GAREM1: variants seen among roughly 807,000 people sequenced by gnomAD.
GAREM1 encodes GRB2-associated and regulator of MAPK protein 1.
A neutral mutation model predicts 71.3 loss-of-function variants in GAREM1; 26 were observed. The observed-to-expected ratio is 0.36, with a 90% confidence interval of 0.27 to 0.51. The LOEUF is 0.51. Among genes scored for constraint, GAREM1 ranks in the 20% least tolerant of loss-of-function variants. GAREM1 has a pLI of 0.95. For synonymous variants in GAREM1, 440 were observed against 433.2 expected, an observed-to-expected ratio of 1.02 and a Z score of -0.20; for missense variants, 1,026 against 1,103.1, an observed-to-expected ratio of 0.93 and a Z score of 0.99.
At chr18:32,458,251 A>C (rs2048916338) in intron 1 of GAREM1, among the ~76,000 whole-genome samples, 1 of 152,154 alleles carries the variant, frequency 6.6e-6, no homozygotes, top group Non-Finnish European at 1.5e-5. Context: ...CATGCAATGC[A>C]CAGGAATTTA....
chr18:32,400,000 G>A (rs983524828), intron 1 of GAREM1, among the ~76,000 whole-genome samples: 1 of 152,108 alleles, frequency 6.6e-6, no homozygotes. Flanking sequence ...ACAGAACAGA[G>A]CCCTCAGAAA....
chr18:32,404,542 A>G (rs2048347984), intron 1 of GAREM1, among the ~76,000 whole-genome samples: 1 of 152,002 alleles, frequency 6.6e-6, no homozygotes, highest in Non-Finnish European at 1.5e-5. Flanking sequence ...TAGTATATTA[A>G]GGTGTTTTCT....
At chr18:32,349,549 T>C (rs1033829235) in intron 2 of GAREM1, among the ~76,000 whole-genome samples, 5 of 152,162 alleles carry the variant, frequency 3.3e-5, no homozygotes, top group Admixed American at 1.3e-4. Context: ...CCAAAATAGG[T>C]AGATGTCATT....
At chr18:32,358,980 C>T (rs545298784) in intron 2 of GAREM1, among the ~76,000 whole-genome samples, 1 of 152,284 alleles carries the variant, frequency 6.6e-6, no homozygotes, top group Admixed American at 6.5e-5. Flanking sequence ...ACGGGATGCT[C>T]ACCTGTGAAC....
At chr18:32,434,833 A>C (rs2048659051) in intron 1 of GAREM1, among the ~76,000 whole-genome samples, 1 of 152,184 alleles carries the variant, frequency 6.6e-6, no homozygotes. Context: ...AACAGGATAG[A>C]TACACATTTC....
At chr18:32,449,466 C>T (rs1381907058) in intron 1 of GAREM1, among the ~76,000 whole-genome samples, 2 of 152,114 alleles carry the variant, frequency 1.3e-5, no homozygotes, top group Non-Finnish European at 2.9e-5. Context: ...GCAAGTGGAT[C>T]GCTTGAGTCC....
At chr18:32,293,638 T>G (rs1484106301) in intron 3 of GAREM1, among the ~76,000 whole-genome samples, 1 of 152,178 alleles carries the variant, frequency 6.6e-6, no homozygotes, top group Non-Finnish European at 1.5e-5. Flanking sequence ...TCCAAATTTA[T>G]AGGAGTTTGA....
chr18:32,265,775 T>A lies in GAREM1; in HGVS notation c.*2096A>T, dbSNP rs971970519. The A allele has an allele frequency of 3.9e-5, 6 of 152,236 alleles. No homozygotes were observed. The highest frequency in any genetic ancestry group is 1.3e-4 in the Admixed American group (2 of 15,288). 9.4% of individuals were successfully genotyped at this position (152,236 alleles called of 1,614,324 possible). On this transcript the variant is annotated 3_prime_UTR_variant, in exon 6 of 6. Transcript: ENST00000269209. ...TATAGTAAACCCAAACCAACCCTGTTCCTTCTTCCTGAGTTTGAGAATTGT... is the reference window on the plus strand; with the variant it reads ...TATAGTAAACCCAAACCAACCCTGTACCTTCTTCCTGAGTTTGAGAATTGT...
At chr18:32,333,589 G>A (rs930540883) in intron 2 of GAREM1, among the ~76,000 whole-genome samples, 2 of 152,134 alleles carry the variant, frequency 1.3e-5, no homozygotes, top group Non-Finnish European at 2.9e-5. Context: ...AACTTCCTGA[G>A]CCAGTATACA....
intron 1 of GAREM1, among the ~76,000 whole-genome samples, chr18:32,416,600 G>A (rs1031470116): frequency 6.6e-6 from 1 of 151,936 alleles, no homozygotes; most frequent in South Asian, 2.1e-4. Flanking sequence ...TTTGACAAAG[G>A]TTCCAAGAAA....
rs138174149 is a variant in GAREM1, at chr18:32,321,816, G to A, written c.263-11493C>T. Among the ~76,000 whole-genome samples the A allele has an allele frequency of 3.6e-3, 552 of 152,206 alleles. 5 individuals carry two copies. Among genetic ancestry groups the A allele is most frequent in the Admixed American group, 5.8e-3 (88 of 15,286 alleles). Reference sequence around the variant, plus strand: ...CTCACTTTGGCCAGTTTTCCTAGTTGATTGTCTTGCCTCTAGATTTCCACC... The same window carrying A: ...CTCACTTTGGCCAGTTTTCCTAGTTAATTGTCTTGCCTCTAGATTTCCACC... On this transcript the variant is annotated intron_variant, in intron 2 of 5. Coordinates refer to ENST00000269209, the MANE Select transcript of GAREM1 (RefSeq NM_001242409.2).
chr18:32,320,331 T>C (rs1268360658), intron 2 of GAREM1, among the ~76,000 whole-genome samples: 3 of 152,158 alleles, frequency 2.0e-5, no homozygotes, highest in Admixed American at 6.5e-5. Flanking sequence ...AAATTTCTGC[T>C]GATCTTAATC....
chr18:32,352,471 G>C (rs112744290), intron 2 of GAREM1, among the ~76,000 whole-genome samples: 115 of 152,254 alleles, frequency 7.6e-4, no homozygotes, highest in African/African-American at 2.5e-3. Flanking sequence ...GCCATGAGAG[G>C]GGATGGAGAG....
At chr18:32,391,789 C>T (rs905398244) in intron 2 of GAREM1, among the ~76,000 whole-genome samples, 1 of 152,112 alleles carries the variant, frequency 6.6e-6, no homozygotes, top group African/African-American at 2.4e-5. Flanking sequence ...CTAGGAAATA[C>T]AATTCTAGAG....
rs768736863 is a variant in GAREM1, at chr18:32,365,073, AT to A, written c.262+27821del. On this transcript the variant is annotated intron_variant, in intron 2 of 5. Transcript: ENST00000269209. ...ACCTGTGCCCTTAGCCATCTACAGA[AT>A]TTTTTTTTTCCTGCTAACACTATGG... 9.8e-4 allele frequency among the ~76,000 whole-genome samples: 148 copies of A among 151,048 alleles called. 1 individual carries two copies. Among genetic ancestry groups the A allele is most frequent in the Non-Finnish European group, 1.5e-3 (104 of 67,642 alleles).
At chr18:32,431,183 A>T (rs546234896) in intron 1 of GAREM1, among the ~76,000 whole-genome samples, 1 of 152,342 alleles carries the variant, frequency 6.6e-6, no homozygotes, top group African/African-American at 2.4e-5. Flanking sequence ...ATCTGAAGAT[A>T]AATCAATAGA....
chr18:32,447,155 C>T (rs1264723836), intron 1 of GAREM1, among the ~76,000 whole-genome samples: 1 of 152,190 alleles, frequency 6.6e-6, no homozygotes, highest in Non-Finnish European at 1.5e-5. Context: ...ACCTAATTTA[C>T]ATTCAGTAGG....
At chr18:32,465,297 C>T (rs1265405780) in intron 1 of GAREM1, among the ~76,000 whole-genome samples, 1 of 152,164 alleles carries the variant, frequency 6.6e-6, no homozygotes, top group African/African-American at 2.4e-5. Context: ...ATTTTGAGAA[C>T]TTACTTCAAT....
At chr18:32,388,552 A>T (rs888159401) in intron 2 of GAREM1, among the ~76,000 whole-genome samples, 2 of 152,232 alleles carry the variant, frequency 1.3e-5, no homozygotes, top group Non-Finnish European at 2.9e-5. Context: ...CCAAGTGATC[A>T]AAACTAAAAT....
Sources: gnomAD v4.1 joint callset for allele counts (sites outside exome capture counted in the v4.1 genomes callset) on GRCh38, gnomAD v4.1.1 for gene constraint, MANE v1.5 for transcripts, NCBI Gene and HGNC (gene_info 2026-07-23, HGNC 2026-07-21) for gene names.